Variants in SLC22A25 observed in about 807,000 individuals in gnomAD.
SLC22A25 encodes the protein MGI:2442751, MGI:2385316, MGI:3042283, MGI:3645714, MGI:3605624, MGI:2442750.
SLC22A25 carries 44 observed loss-of-function variants against 45.9 expected under a neutral mutation model. The observed-to-expected ratio is 0.96, with a 90% confidence interval of 0.75 to 1.23. The LOEUF (loss-of-function observed/expected upper bound fraction) is 1.23, where lower values mean the gene tolerates loss of function less well. SLC22A25 is among the 50% of genes most tolerant of loss of function. The probability of loss-of-function intolerance (pLI) is 0.00; values close to 1 mark genes in which losing one functional copy is unlikely to be tolerated. For synonymous variants in SLC22A25, 283 were observed against 238.6 expected (o/e 1.19, Z -1.72); for missense variants, 800 against 666.4 (o/e 1.20, Z -2.21).
At chr11:63,219,753 T>A (rs1322074123) in intron 5 of SLC22A25, among the ~76,000 whole-genome samples, 2 of 152,174 alleles carry the variant, frequency 1.3e-5, no homozygotes, top group Admixed American at 1.3e-4. Flanking sequence ...ATCTCCTGCC[T>A]GGTACCACTA....
At chr11:63,203,094 CAG>C (rs2089297138) in intron 7 of SLC22A25, among the ~76,000 whole-genome samples, 1 of 152,166 alleles carries the variant, frequency 6.6e-6, no homozygotes, top group African/African-American at 2.4e-5. Context: ...AACTAACAAA[CAG>C]AAAGGAATAG....
At position 63,219,825 on chromosome 11, in the gene SLC22A25, T is replaced by A. The variant is rs1425946645; in HGVS notation, c.507-2090A>T. Reference sequence around the variant, plus strand: ...GTTTATCTGCATTTTCTCATGGCACTGTCCCAGAGAGCTGGGTTACTGGAC... The same window carrying A: ...GTTTATCTGCATTTTCTCATGGCACAGTCCCAGAGAGCTGGGTTACTGGAC... On this transcript the variant is annotated intron_variant, in intron 5 of 11. Coordinates refer to ENST00000306494, the MANE Select transcript of SLC22A25 (RefSeq NM_199352.6). 3.3e-6 allele frequency: 3 copies of A among 912,684 alleles called. No homozygotes were observed. The African/African-American group carries it at 5.1e-5, about 16-fold the overall frequency. 56.5% of individuals were successfully genotyped at this position (912,684 alleles called of 1,614,324 possible). A position where few individuals can be genotyped will look rare whatever the true frequency, so the allele number is the denominator to read the frequency against.
chr11:63,209,552 C>A (rs999323238), intron 7 of SLC22A25, among the ~76,000 whole-genome samples: 1 of 152,164 alleles, frequency 6.6e-6, no homozygotes, highest in Non-Finnish European at 1.5e-5. Context: ...ATGGACAGGG[C>A]GAGGCAGCTG....
In SLC22A25 at chr11:63,229,241, G is replaced by A. The variant is rs1199932969; in HGVS notation, c.402+10C>T. 1.3e-6 allele frequency: 2 copies of A among 1,503,286 alleles called. No homozygotes were observed. Among genetic ancestry groups the A allele is most frequent in the East Asian group, 2.3e-5 (1 of 43,906 alleles). 93.1% of individuals were successfully genotyped at this position (1,503,286 alleles called of 1,614,324 possible). A position where few individuals can be genotyped will look rare whatever the true frequency, so the allele number is the denominator to read the frequency against. ...TCATGTACACAAGAGAGGAAAATGA[G>A]GCCTCTTACCTTAGTCACAATGGTG... On this transcript the variant is annotated intron_variant, in intron 4 of 11. Transcript: ENST00000306494.
intron 9 of SLC22A25, among the ~76,000 whole-genome samples, chr11:63,175,085 T>C (rs2088037343): frequency 6.6e-6 from 1 of 152,134 alleles, no homozygotes; most frequent in East Asian, 1.9e-4. Flanking sequence ...GCAATGAACA[T>C]GGGAGTGCAA....
intron 7 of SLC22A25, among the ~76,000 whole-genome samples, chr11:63,189,904 C>A (rs567539231): frequency 6.6e-6 from 1 of 152,292 alleles, no homozygotes; most frequent in East Asian, 1.9e-4. Flanking sequence ...GAGTTTCTGC[C>A]GACAGATCAG....
At chr11:63,172,189 C>A (rs377052526) in intron 9 of SLC22A25, among the ~76,000 whole-genome samples, 1 of 152,114 alleles carries the variant, frequency 6.6e-6, no homozygotes, top group African/African-American at 2.4e-5. Context: ...AACCATAAAA[C>A]CCCTAGAAGA....
rs928130489 is a variant in SLC22A25, at chr11:63,243,426, C to T, written c.-996+8G>A. 14 of 741,420 alleles carry T rather than the reference C, an allele frequency of 1.9e-5. No individual in the cohort carries two copies. Among genetic ancestry groups the T allele is most frequent in the African/African-American group, 1.5e-4 (9 of 58,284 alleles). 45.9% of individuals were successfully genotyped at this position (741,420 alleles called of 1,614,324 possible). A position where few individuals can be genotyped will look rare whatever the true frequency, so the allele number is the denominator to read the frequency against. On this transcript the variant is annotated splice_region_variant and intron_variant, in intron 1 of 11. Transcript: ENST00000306494. The stretch of plus-strand genomic sequence containing the variant: ...GAAGAAAAGGTTTTCCCTCTGGCCA[C>T]GATTTACCTGGACTGTTTCTTCGCC...
chr11:63,176,605 G>A (rs962188650), intron 9 of SLC22A25, among the ~76,000 whole-genome samples: 3 of 151,954 alleles, frequency 2.0e-5, no homozygotes, highest in Non-Finnish European at 4.4e-5. Context: ...ATTTTTGTGT[G>A]TGTAATCTTT....
At chr11:63,174,819 A>T (rs1430452110) in intron 9 of SLC22A25, among the ~76,000 whole-genome samples, 2 of 152,086 alleles carry the variant, frequency 1.3e-5, no homozygotes, top group African/African-American at 4.8e-5. Flanking sequence ...GCCCCAGGAA[A>T]CTATGATTCT....
At chr11:63,236,972 T>C (rs2090175553) in intron 3 of SLC22A25, among the ~76,000 whole-genome samples, 1 of 152,220 alleles carries the variant, frequency 6.6e-6, no homozygotes, top group East Asian at 1.9e-4. Flanking sequence ...CTGAATTCCA[T>C]GTCATGAAAT....
chr11:63,240,973 A>T (rs1343880707), intron 1 of SLC22A25, among the ~76,000 whole-genome samples: 1 of 151,900 alleles, frequency 6.6e-6, no homozygotes, highest in Non-Finnish European at 1.5e-5. Flanking sequence ...ATGAGACCAT[A>T]AAAAAAAATT....
intron 11 of SLC22A25, 50 bp from the exon 12 acceptor site, chr11:63,164,123 T>C: frequency 6.6e-7 from 1 of 1,523,248 alleles, no homozygotes; most frequent in Non-Finnish European, 8.8e-7. Context: ...ATCATACATA[T>C]AATTTGTGAT....
chr11:63,229,487 T>G lies in SLC22A25; in HGVS notation c.166A>C (p.Asn56His). 6.2e-7 allele frequency: 1 copy of G among 1,614,154 alleles called. No individual in the cohort carries two copies. Among genetic ancestry groups the G allele is most frequent in the Non-Finnish European group, 8.5e-7 (1 of 1,179,982 alleles). ...DHRCWVHILD[N>H]DTIPDNDPGT... ...GGGTCATTGTCAGGGATAGTGTCATTGTCCAGTATATGAACCCAGCAGCGA... is the reference window on the plus strand; with the variant it reads ...GGGTCATTGTCAGGGATAGTGTCATGGTCCAGTATATGAACCCAGCAGCGA... The change falls in exon 4 of 12, where the codon AAT becomes CAT. Residue 56 changes from asparagine (N) to histidine (H), a missense_variant. By Grantham distance (68) the Asn-to-His change is moderately conservative. Coordinates refer to ENST00000306494, the MANE Select transcript of SLC22A25 (RefSeq NM_199352.6).
At chr11:63,183,644 G>T in intron 8 of SLC22A25, 50 bp downstream of exon 8, 2 of 1,608,680 alleles carry the variant, frequency 1.2e-6, no homozygotes, top group South Asian at 2.2e-5. Context: ...AAGTATAGAT[G>T]ACAATTTATG....
intron 5 of SLC22A25, among the ~76,000 whole-genome samples, chr11:63,228,015 G>A (rs1360302973): frequency 1.3e-5 from 2 of 152,230 alleles, no homozygotes; most frequent in East Asian, 1.9e-4. Flanking sequence ...TGGAGATGGA[G>A]TGTTGTCAGC....
At position 63,197,839 on chromosome 11, in the gene SLC22A25, A is replaced by G. The variant is rs537927884; in HGVS notation, c.831-14022T>C. Among the ~76,000 whole-genome samples the G allele has an allele frequency of 3.3e-5, 5 of 150,230 alleles. No individual in the cohort carries two copies. The East Asian group carries it at 9.6e-4, about 29-fold the overall frequency. ...CAATCTACTCATCTCACAAAGGGCTAATATCCAGAATCTACAAAGAACTTA... is the reference window on the plus strand; with the variant it reads ...CAATCTACTCATCTCACAAAGGGCTGATATCCAGAATCTACAAAGAACTTA... On this transcript the variant is annotated intron_variant, in intron 7 of 11. Transcript: ENST00000306494.
chr11:63,189,059 G>A (rs1565084171), intron 7 of SLC22A25, among the ~76,000 whole-genome samples: 1 of 152,154 alleles, frequency 6.6e-6, no homozygotes, highest in Admixed American at 6.6e-5. Context: ...ATGTCTATTA[G>A]GTCCACTTGG....
chr11:63,223,066 G>A (rs1565118987), intron 5 of SLC22A25, among the ~76,000 whole-genome samples: 2 of 151,862 alleles, frequency 1.3e-5, no homozygotes, highest in Non-Finnish European at 2.9e-5. Flanking sequence ...ATGTTCTTCA[G>A]GCATATTGGC....
Sources: allele counts gnomAD v4.1 joint callset (sites outside exome capture counted in the v4.1 genomes callset), GRCh38; gene constraint gnomAD v4.1.1; transcripts MANE v1.5; gene names NCBI Gene and HGNC (gene_info 2026-07-23, HGNC 2026-07-21).